RGS10: variants seen among roughly 807,000 people sequenced by gnomAD.
The protein encoded by RGS10 is regulator of G-protein signalling 10.
Under a neutral mutation model 23.5 loss-of-function variants are expected in RGS10, and 11 were observed. That is an observed-to-expected ratio of 0.47 (90% CI 0.29 to 0.77). The LOEUF (loss-of-function observed/expected upper bound fraction) is 0.77. Among genes scored for constraint, RGS10 ranks in the 30% least tolerant of loss-of-function variants. The probability of loss-of-function intolerance (pLI) is 0.08; values close to 1 mark genes in which losing one functional copy is unlikely to be tolerated. For synonymous variants in RGS10, 77 were observed against 83.2 expected (o/e 0.92, Z 0.41); for missense variants, 180 against 226.3 (o/e 0.80, Z 1.31).
chr10:119,523,207 AACAGTG>A (rs1844239277), intron 3 of RGS10, among the ~76,000 whole-genome samples: 1 of 152,092 alleles, frequency 6.6e-6, no homozygotes, highest in African/African-American at 2.4e-5. Flanking sequence ...TTCGAATGGG[AACAGTG>A]ACTCACACTG....
rs1844163657 is a variant in RGS10, at chr10:119,517,813, G to A, written c.256-2161C>T. On this transcript the variant is annotated intron_variant, in intron 3 of 4. Transcript: ENST00000369103. This position sits in a 1 kb window ranked among gnomAD's most constrained non-coding sequence, Gnocchi z 5.0. ...GGCAGAAGAGGCCGGGGGAGAGGAA[G>A]TAGGTTCCAGTGACTGCAGGTATAT... 6.6e-6 allele frequency among the ~76,000 whole-genome samples: 1 copy of A among 152,236 alleles called. No homozygotes were observed.
At chr10:119,505,102 G>A (rs1042760969) in intron 4 of RGS10, among the ~76,000 whole-genome samples, 1 of 152,090 alleles carries the variant, frequency 6.6e-6, no homozygotes, top group African/African-American at 2.4e-5. Flanking sequence ...GGGGAGACAT[G>A]ACCTCACCAG....
intron 4 of RGS10, among the ~76,000 whole-genome samples, chr10:119,512,000 A>T (rs1205858227): frequency 6.6e-6 from 1 of 152,188 alleles, no homozygotes; most frequent in Non-Finnish European, 1.5e-5. Context: ...TCTCCTTTAA[A>T]CAGGGTGCAT....
At chr10:119,515,033 A>C (rs1333583859) in intron 4 of RGS10, among the ~76,000 whole-genome samples, 1 of 152,192 alleles carries the variant, frequency 6.6e-6, no homozygotes, top group Non-Finnish European at 1.5e-5. Flanking sequence ...CCTTTTCATT[A>C]TGCCTCAGGG....
At chr10:119,525,952 T>C in intron 3 of RGS10, 80 bp downstream of exon 3, 1 of 688,870 alleles carries the variant, frequency 1.5e-6, no homozygotes, top group Admixed American at 2.8e-5. Flanking sequence ...GAATCAGGTT[T>C]CTTTAGGCAA....
chr10:119,525,024 C>T (rs1537577), intron 3 of RGS10, among the ~76,000 whole-genome samples: 46,259 of 143,840 alleles, frequency 0.32, 7,273 homozygotes, highest in East Asian at 0.51. Flanking sequence ...ACGCGCAAGC[C>T]GCATCTGCCC....
At chr10:119,534,242 C>T (rs1249432532) in intron 1 of RGS10, among the ~76,000 whole-genome samples, 1 of 145,446 alleles carries the variant, frequency 6.9e-6, no homozygotes, top group Admixed American at 7.2e-5. Flanking sequence ...AGCAACAAAA[C>T]AAGAACCTGT....
chr10:119,518,697 C>T (rs2133951994), intron 3 of RGS10, among the ~76,000 whole-genome samples: 1 of 149,360 alleles, frequency 6.7e-6, no homozygotes, highest in South Asian at 2.1e-4. Context: ...AATGGCCTCA[C>T]CACCCCCAAT....
At chr10:119,503,724 T>C (rs1843978150) in intron 4 of RGS10, among the ~76,000 whole-genome samples, 1 of 152,216 alleles carries the variant, frequency 6.6e-6, no homozygotes, top group Admixed American at 6.5e-5. Context: ...TGGTTTCTCC[T>C]GAGGCCGCTG....
intron 3 of RGS10, among the ~76,000 whole-genome samples, chr10:119,516,846 C>T (rs959855266): frequency 6.6e-5 from 10 of 152,176 alleles, no homozygotes; most frequent in East Asian, 3.9e-4. Context: ...CCTGAGGGCT[C>T]GATTTTCTTT....
At chr10:119,536,638 A>T in intron 1 of RGS10, 1 of 715,118 alleles carries the variant, frequency 1.4e-6, no homozygotes, top group Non-Finnish European at 2.3e-6. Flanking sequence ...ACAGATGGCC[A>T]CTGGTTTCCA....
rs1010799622 is a variant in RGS10, at chr10:119,527,773, A to G, written c.50-349T>C. 6.6e-6 allele frequency among the ~76,000 whole-genome samples: 1 copy of G among 152,198 alleles called. No individual in the cohort carries two copies. Among genetic ancestry groups the G allele is most frequent in the African/African-American group, 2.4e-5 (1 of 41,456 alleles). ...CCTCCTCCAAGAGAACCTTGATTCA[A>G]CAGCAACTGCTTCCCCATGGCGCTT... On this transcript the variant is annotated intron_variant, in intron 1 of 4. Coordinates refer to ENST00000369103, the MANE Select transcript of RGS10 (RefSeq NM_001005339.2). This position sits in a 1 kb window ranked among gnomAD's most constrained non-coding sequence, Gnocchi z 4.2.
At position 119,538,801 on chromosome 10, in the gene RGS10, G is replaced by A. The variant is rs1326359374; in HGVS notation, c.49+3789C>T. On this transcript the variant is annotated intron_variant, in intron 1 of 4. Transcript: ENST00000369103. The surrounding 1 kb of genome is among the most constrained non-coding windows in gnomAD (Gnocchi z 4.5). ...GCCCCCTCCGCTCCTGCTGCCACCC[G>A]CAGGCTGCTGCAGCAAAGAACTATC... Among the ~76,000 whole-genome samples, 3 of 152,104 alleles carry A rather than the reference G, an allele frequency of 2.0e-5. No individual in the cohort carries two copies. Among genetic ancestry groups the A allele is most frequent in the African/African-American group, 4.8e-5 (2 of 41,414 alleles).
At chr10:119,536,607 C>T (rs1375525909) in intron 1 of RGS10, 1 of 1,083,704 alleles carries the variant, frequency 9.2e-7, no homozygotes, top group Non-Finnish European at 1.3e-6. Flanking sequence ...CCTCAACATC[C>T]TCTTTTAAGT....
At chr10:119,504,882 G>A (rs1302914865) in intron 4 of RGS10, among the ~76,000 whole-genome samples, 2 of 152,168 alleles carry the variant, frequency 1.3e-5, no homozygotes, top group Non-Finnish European at 2.9e-5. Flanking sequence ...ACAGGGCCCT[G>A]CCAACACCTT....
chr10:119,518,858 C>G (rs1343153202), intron 3 of RGS10, among the ~76,000 whole-genome samples: 1 of 152,094 alleles, frequency 6.6e-6, no homozygotes, highest in Non-Finnish European at 1.5e-5. Context: ...GAGTCCGCCA[C>G]CACGCCCGGC....
intron 4 of RGS10, 64 bp from the exon 5 acceptor site, chr10:119,500,323 C>A: frequency 6.8e-7 from 1 of 1,473,172 alleles, no homozygotes. Context: ...ATCATCCCAT[C>A]AGATATGTAT....
At position 119,515,799 on chromosome 10, in the gene RGS10, G is replaced by C; in HGVS notation, c.256-147C>G. 4 of 917,902 alleles carry C rather than the reference G, an allele frequency of 4.4e-6. No individual in the cohort carries two copies. The South Asian group carries it at 7.0e-5, about 16-fold the overall frequency. 56.9% of individuals were successfully genotyped at this position (917,902 alleles called of 1,614,324 possible). A position where few individuals can be genotyped will look rare whatever the true frequency, so the allele number is the denominator to read the frequency against. On this transcript the variant is annotated intron_variant, in intron 3 of 4. Transcript: ENST00000369103. The stretch of plus-strand genomic sequence containing the variant: ...GCCCAGGGGCTCTCAGGCCACTCCA[G>C]AGAGAATTTCTATATGGGAGAGCCT...
At chr10:119,526,178 A>G in intron 2 of RGS10, 60 bp from the exon 3 acceptor site, 1 of 911,870 alleles carries the variant, frequency 1.1e-6, no homozygotes, top group Non-Finnish European at 1.6e-6. Context: ...AATAAAACAA[A>G]TGGCATTTCC....
Sources: allele counts gnomAD v4.1 joint callset (sites outside exome capture counted in the v4.1 genomes callset), GRCh38; gene constraint gnomAD v4.1.1; non-coding constraint Gnocchi (gnomAD v3.1); transcripts MANE v1.5; gene names NCBI Gene and HGNC (gene_info 2026-07-23, HGNC 2026-07-21).